The following KIRREL3 variants were observed in gnomAD, a reference collection of about 807,000 sequenced individuals.
The protein encoded by KIRREL3 is kin of IRRE-like protein 3.
Under a neutral mutation model 89.7 loss-of-function variants are expected in KIRREL3, and 36 were observed. The ratio of observed to expected loss-of-function variants is 0.40; its 90% CI spans 0.31 to 0.53. The LOEUF (loss-of-function observed/expected upper bound fraction) is 0.53, where lower values mean the gene tolerates loss of function less well. KIRREL3 is among the 20% of genes least tolerant of loss of function. The probability of loss-of-function intolerance (pLI) is 0.49; values close to 1 mark genes in which losing one functional copy is unlikely to be tolerated. For synonymous variants in KIRREL3, 445 were observed against 441.4 expected, an observed-to-expected ratio of 1.01 and a Z score of -0.10; for missense variants, 864 against 1,056.6, an observed-to-expected ratio of 0.82 and a Z score of 2.53.
rs1223710709 is a variant in KIRREL3, at chr11:126,696,489, C to T, written c.56-133577G>A. On this transcript the variant is annotated intron_variant, in intron 1 of 16. Transcript: ENST00000525144. The surrounding 1 kb of genome is among the most constrained non-coding windows in gnomAD (Gnocchi z 4.4). ...CAGCCTGCAAACTCCCACAGCTGTACGCAGGCATGTGGCCTCTTGCCTCGA... is the reference window on the plus strand; with the variant it reads ...CAGCCTGCAAACTCCCACAGCTGTATGCAGGCATGTGGCCTCTTGCCTCGA... Among the ~76,000 whole-genome samples, 4 of 152,128 alleles carry T rather than the reference C, an allele frequency of 2.6e-5. No individual in the cohort carries two copies. The highest frequency in any genetic ancestry group is 4.4e-5 in the Non-Finnish European group (3 of 68,018).
At chr11:126,926,479 G>A (rs533695730) in intron 1 of KIRREL3, among the ~76,000 whole-genome samples, 22 of 152,318 alleles carry the variant, frequency 1.4e-4, no homozygotes, top group African/African-American at 4.8e-4. Context: ...GGTAGGTCAC[G>A]GCTCTGAGAG....
chr11:126,908,342 C>T lies in KIRREL3; in HGVS notation c.55+92113G>A, dbSNP rs546960222. Among the ~76,000 whole-genome samples, 25 of 152,252 alleles carry T rather than the reference C, an allele frequency of 1.6e-4. No homozygotes were observed. The highest frequency in any genetic ancestry group is 8.3e-4 in the South Asian group (4 of 4,818). ...GACTAAGAGATCTTTATGATCATTT[C>T]GTCCAACCAAAGCAAGGACTCCGAA... is the stretch of plus-strand genomic sequence containing the variant. On this transcript the variant is annotated intron_variant, in intron 1 of 16. Transcript: ENST00000525144. This position sits in a 1 kb window ranked among gnomAD's most constrained non-coding sequence, Gnocchi z 4.2.
rs773982975 is a variant in KIRREL3, at chr11:126,475,248, C to A, written c.434-1782G>T. ...AGCTGAACAGTCACAGCTCCGGGCC[C>A]GTCCTGACTCCACTGGCTCAGCCTT... On this transcript the variant is annotated intron_variant, in intron 4 of 16. Coordinates refer to ENST00000525144, the MANE Select transcript of KIRREL3 (RefSeq NM_032531.4). This position sits in a 1 kb window ranked among gnomAD's most constrained non-coding sequence, Gnocchi z 7.5. Among the ~76,000 whole-genome samples the A allele has an allele frequency of 2.0e-5, 3 of 152,126 alleles. No individual in the cohort carries two copies. The highest frequency in any genetic ancestry group is 4.8e-5 in the African/African-American group (2 of 41,428).
intron 1 of KIRREL3, among the ~76,000 whole-genome samples, chr11:126,858,059 C>T (rs1944588794): frequency 6.6e-6 from 1 of 152,174 alleles, no homozygotes; most frequent in Non-Finnish European, 1.5e-5. Context: ...GTGTGAACTG[C>T]CTCGCCAAAT....
rs939530 is a variant in KIRREL3, at chr11:126,782,431, C to A, written c.55+218024G>T. Among the ~76,000 whole-genome samples, 1 of 151,992 alleles carries A rather than the reference C, an allele frequency of 6.6e-6. No homozygotes were observed. Among genetic ancestry groups the A allele is most frequent in the Non-Finnish European group, 1.5e-5 (1 of 68,000 alleles). On this transcript the variant is annotated intron_variant, in intron 1 of 16. Coordinates refer to ENST00000525144, the MANE Select transcript of KIRREL3 (RefSeq NM_032531.4). This position sits in a 1 kb window ranked among gnomAD's most constrained non-coding sequence, Gnocchi z 4.1. ...GACTAGGTTTGGGTATTAGAGAAGACGAGGGAGAAAGTACAGGCTCTTGAA... is the reference window on the plus strand; with the variant it reads ...GACTAGGTTTGGGTATTAGAGAAGAAGAGGGAGAAAGTACAGGCTCTTGAA...
In KIRREL3 at chr11:126,647,747, G is replaced by A. The variant is rs1346848729; in HGVS notation, c.56-84835C>T. Among the ~76,000 whole-genome samples, 2 of 152,176 alleles carry A rather than the reference G, an allele frequency of 1.3e-5. No individual in the cohort carries two copies. The highest frequency in any genetic ancestry group is 4.8e-5 in the African/African-American group (2 of 41,434). ...TTCCATCCTTGTCTTCTGCTGTCTAGTTTCAACAGGGCAGTCTGAGTAGTG... is the reference window on the plus strand; with the variant it reads ...TTCCATCCTTGTCTTCTGCTGTCTAATTTCAACAGGGCAGTCTGAGTAGTG... On this transcript the variant is annotated intron_variant, in intron 1 of 16. Coordinates refer to ENST00000525144, the MANE Select transcript of KIRREL3 (RefSeq NM_032531.4). The surrounding 1 kb of genome is among the most constrained non-coding windows in gnomAD (Gnocchi z 4.9).
At chr11:126,440,342 A>G (rs1270030087) in intron 11 of KIRREL3, 107 bp downstream of exon 11, 1 of 958,000 alleles carries the variant, frequency 1.0e-6, no homozygotes, top group African/African-American at 1.6e-5. Context: ...TCAGCAAGAA[A>G]GAGGAACCTC....
chr11:126,549,111 TG>T (rs1470494728), intron 2 of KIRREL3, among the ~76,000 whole-genome samples: 1 of 152,182 alleles, frequency 6.6e-6, no homozygotes, highest in African/African-American at 2.4e-5. Flanking sequence ...GACTCGGAGA[TG>T]GGGACTATTC....
rs571725959 is a variant in KIRREL3, at chr11:126,513,343, G to T, written c.433+7972C>A. Among the ~76,000 whole-genome samples the T allele has an allele frequency of 1.3e-5, 2 of 152,236 alleles. No homozygotes were observed. Among genetic ancestry groups the T allele is most frequent in the South Asian group, 4.2e-4 (2 of 4,810 alleles). ...AGTGGGCACTTGGATAGGCAGTGTC[G>T]AGCTTCTGGGCCCCTCCAGAAATCG... On this transcript the variant is annotated intron_variant, in intron 4 of 16. Coordinates refer to ENST00000525144, the MANE Select transcript of KIRREL3 (RefSeq NM_032531.4). The surrounding 1 kb of genome is among the most constrained non-coding windows in gnomAD (Gnocchi z 5.9).
intron 4 of KIRREL3, among the ~76,000 whole-genome samples, chr11:126,503,389 G>GC (rs1565505482): frequency 6.6e-6 from 1 of 152,114 alleles, no homozygotes; most frequent in East Asian, 1.9e-4. Flanking sequence ...TCCCCTAGAT[G>GC]CCCCTAGGGG....
intron 1 of KIRREL3, among the ~76,000 whole-genome samples, chr11:126,602,733 C>G (rs564471270): frequency 6.6e-6 from 1 of 152,330 alleles, no homozygotes; most frequent in East Asian, 1.9e-4. Flanking sequence ...CTTACTGAGA[C>G]CTTGGCACCA....
At position 126,571,459 on chromosome 11, in the gene KIRREL3, G is replaced by T. The variant is rs2134626423; in HGVS notation, c.56-8547C>A. On this transcript the variant is annotated intron_variant, in intron 1 of 16. Coordinates refer to ENST00000525144, the MANE Select transcript of KIRREL3 (RefSeq NM_032531.4). This position sits in a 1 kb window ranked among gnomAD's most constrained non-coding sequence, Gnocchi z 7.7. ...CCTCTCCCTTGGCCAGCATCACCAAGTGTCTGCCACCTGGGACCAGGCTCA... is the reference window on the plus strand; with the variant it reads ...CCTCTCCCTTGGCCAGCATCACCAATTGTCTGCCACCTGGGACCAGGCTCA... Among the ~76,000 whole-genome samples the T allele has an allele frequency of 6.6e-6, 1 of 152,344 alleles. No homozygotes were observed. Among genetic ancestry groups the T allele is most frequent in the East Asian group, 1.9e-4 (1 of 5,182 alleles).
In KIRREL3 at chr11:126,651,785, G is replaced by T. The variant is rs508810; in HGVS notation, c.56-88873C>A. Among the ~76,000 whole-genome samples, 1 of 152,076 alleles carries T rather than the reference G, an allele frequency of 6.6e-6. No individual in the cohort carries two copies. Among genetic ancestry groups the T allele is most frequent in the South Asian group, 2.1e-4 (1 of 4,822 alleles). ...GTACAAGGTCTTGAAACACATATTAGGAATGATTATACCAGAGAACCCAAT... is the reference window on the plus strand; with the variant it reads ...GTACAAGGTCTTGAAACACATATTATGAATGATTATACCAGAGAACCCAAT... On this transcript the variant is annotated intron_variant, in intron 1 of 16. Coordinates refer to ENST00000525144, the MANE Select transcript of KIRREL3 (RefSeq NM_032531.4). This position sits in a 1 kb window ranked among gnomAD's most constrained non-coding sequence, Gnocchi z 4.6.
rs1174510212 is a variant in KIRREL3 at position 126,551,482 on chromosome 11, G to T, written c.133+11353C>A. 1.3e-5 allele frequency among the ~76,000 whole-genome samples: 2 copies of T among 152,050 alleles called. No individual in the cohort carries two copies. Among genetic ancestry groups the T allele is most frequent in the Non-Finnish European group, 2.9e-5 (2 of 68,012 alleles). ...CGTGGATGAAATCCCCCCACCCCAT[G>T]CGCCTCTATATAGAAACATGTCTAG... On this transcript the variant is annotated intron_variant, in intron 2 of 16. Transcript: ENST00000525144. The surrounding 1 kb of genome is among the most constrained non-coding windows in gnomAD (Gnocchi z 4.9).
intron 1 of KIRREL3, among the ~76,000 whole-genome samples, chr11:126,762,717 T>C (rs1949703056): frequency 6.6e-6 from 1 of 152,206 alleles, no homozygotes; most frequent in African/African-American, 2.4e-5. Context: ...GTTTCAATGT[T>C]GTTAAGTTGA....
chr11:126,450,903 GTGCGTGTGTGTCCACGTGCA>G, intron 7 of KIRREL3, among the ~76,000 whole-genome samples: 1 of 149,352 alleles, frequency 6.7e-6, no homozygotes, highest in East Asian at 2.0e-4. Context: ...GTGTGTGCAT[GTGCGTGTGTGTCCACGTGCA>G]TGTGTGCATG....
intron 1 of KIRREL3, among the ~76,000 whole-genome samples, chr11:126,765,914 T>C (rs961079926): frequency 2.0e-5 from 3 of 152,076 alleles, no homozygotes; most frequent in African/African-American, 7.2e-5. Context: ...AGGAAGCCCC[T>C]CCCTTCCCCC....
intron 1 of KIRREL3, among the ~76,000 whole-genome samples, chr11:126,827,878 A>T (rs1045222231): frequency 6.6e-6 from 1 of 152,092 alleles, no homozygotes; most frequent in East Asian, 1.9e-4. Flanking sequence ...TTGTCATCTG[A>T]TTGCCACTGG....
In KIRREL3 at chr11:126,628,763, G is replaced by T. The variant is rs1240075992; in HGVS notation, c.56-65851C>A. Among the ~76,000 whole-genome samples, 3 of 152,226 alleles carry T rather than the reference G, an allele frequency of 2.0e-5. No homozygotes were observed. Among genetic ancestry groups the T allele is most frequent in the African/African-American group, 7.2e-5 (3 of 41,534 alleles). The stretch of plus-strand genomic sequence containing the variant: ...TTTCCTATTCATCAGATTTCCTGGA[G>T]CCCAGCCTGCTACCTGGAGCCAGGG... On this transcript the variant is annotated intron_variant, in intron 1 of 16. Coordinates refer to ENST00000525144, the MANE Select transcript of KIRREL3 (RefSeq NM_032531.4). The surrounding 1 kb of genome is among the most constrained non-coding windows in gnomAD (Gnocchi z 5.2).
Sources: allele counts gnomAD v4.1 joint callset (sites outside exome capture counted in the v4.1 genomes callset), GRCh38; gene constraint gnomAD v4.1.1; non-coding constraint Gnocchi (gnomAD v3.1); transcripts MANE v1.5; gene names NCBI Gene and HGNC (gene_info 2026-07-23, HGNC 2026-07-21).